Variants in RORA observed in about 807,000 individuals in gnomAD.
The protein encoded by RORA is nuclear receptor ROR-alpha.
In RORA, 7 loss-of-function variants were observed where a neutral mutation model predicts 69.5. The observed-to-expected ratio is 0.10, with a 90% CI of 0.06 to 0.19. The LOEUF is 0.19. RORA is among the 10% of genes least tolerant of loss of function. The pLI is 1.00. For synonymous variants in RORA, 261 were observed against 240.8 expected (o/e 1.08, Z -0.78); for missense variants, 457 against 663.0 (o/e 0.69, Z 3.41).
intron 1 of RORA, among the ~76,000 whole-genome samples, chr15:60,985,872 G>C (rs773287709): frequency 6.6e-6 from 1 of 152,080 alleles, no homozygotes; most frequent in Non-Finnish European, 1.5e-5. Context: ...GAGCCAACGC[G>C]CCCAGCCGAC....
chr15:60,876,212 G>A (rs181932012), intron 1 of RORA, among the ~76,000 whole-genome samples: 1 of 149,738 alleles, frequency 6.7e-6, no homozygotes, highest in Non-Finnish European at 1.5e-5. Context: ...CTAGAGTACA[G>A]AGAATTAATT....
chr15:61,215,648 A>ATG (rs752061557), intron 1 of RORA, among the ~76,000 whole-genome samples: 9 of 152,220 alleles, frequency 5.9e-5, no homozygotes, highest in Non-Finnish European at 1.0e-4. Flanking sequence ...GTATGTGTGC[A>ATG]TGTGTGTGTA....
intron 2 of RORA, among the ~76,000 whole-genome samples, chr15:60,554,501 G>C (rs1377042506): frequency 6.6e-6 from 1 of 152,150 alleles, no homozygotes; most frequent in Non-Finnish European, 1.5e-5. Flanking sequence ...TTTAAAAATA[G>C]CTAGAATTAA....
intron 1 of RORA, among the ~76,000 whole-genome samples, chr15:61,222,481 T>C (rs999412820): frequency 6.6e-6 from 1 of 152,222 alleles, no homozygotes; most frequent in South Asian, 2.1e-4. Context: ...TGAGCTATGG[T>C]ACATTTATTC....
chr15:60,516,224 TA>T (rs2065947190), intron 3 of RORA, among the ~76,000 whole-genome samples: 4 of 22,986 alleles, frequency 1.7e-4, no homozygotes, highest in Admixed American at 8.5e-4. Context: ...TATATATATT[TA>T]TATATATATT....
chr15:60,852,725 G>A (rs1050028666), intron 1 of RORA, among the ~76,000 whole-genome samples: 1 of 152,182 alleles, frequency 6.6e-6, no homozygotes, highest in African/African-American at 2.4e-5. Flanking sequence ...TGAAGGATGT[G>A]GGGTGAGTCT....
At position 61,131,125 on chromosome 15, in the gene RORA, A is replaced by T. The variant is rs2079186735; in HGVS notation, c.166+97928T>A. ...AAGTCACTCAAGAGTGGGAAGGATTAGCGTGCTATGGTTGGCCAACCAGGT... is the reference window on the plus strand; with the variant it reads ...AAGTCACTCAAGAGTGGGAAGGATTTGCGTGCTATGGTTGGCCAACCAGGT... On this transcript the variant is annotated intron_variant, in intron 1 of 10. Coordinates refer to ENST00000335670, the MANE Select transcript of RORA (RefSeq NM_134261.3). The surrounding 1 kb of genome is among the most constrained non-coding windows in gnomAD (Gnocchi z 4.2). 6.6e-6 allele frequency among the ~76,000 whole-genome samples: 1 copy of T among 152,238 alleles called. No individual in the cohort carries two copies. Among genetic ancestry groups the T allele is most frequent in the African/African-American group, 2.4e-5 (1 of 41,476 alleles).
chr15:60,824,307 A>G (rs961742817), intron 1 of RORA, among the ~76,000 whole-genome samples: 1 of 152,236 alleles, frequency 6.6e-6, no homozygotes, highest in African/African-American at 2.4e-5. Context: ...GAAGAGGTCT[A>G]ATCTATGAAG....
intron 1 of RORA, among the ~76,000 whole-genome samples, chr15:60,928,527 C>T (rs774318694): frequency 3.3e-5 from 5 of 152,098 alleles, no homozygotes; most frequent in Non-Finnish European, 5.9e-5. Context: ...AATGAATAGA[C>T]TAAGTAATAA....
chr15:61,059,908 G>GAAGAAGAAGAAGAAGAAGAAGAAC (rs1566968581), intron 1 of RORA, among the ~76,000 whole-genome samples: 9 of 2,794 alleles, frequency 3.2e-3, no homozygotes, highest in Non-Finnish European at 6.5e-3. Flanking sequence ...AGTTCCACAC[G>GAAGAAGAAGAAGAAGAAGAAGAAC]AAGAAGAAGA....
chr15:60,859,464 T>A (rs1292324622), intron 1 of RORA, among the ~76,000 whole-genome samples: 1 of 146,454 alleles, frequency 6.8e-6, no homozygotes, highest in Non-Finnish European at 1.5e-5. Flanking sequence ...TGAATCTGAA[T>A]TTTCTTTGCC....
chr15:60,649,812 A>C (rs957970666), intron 2 of RORA, among the ~76,000 whole-genome samples: 1 of 152,156 alleles, frequency 6.6e-6, no homozygotes, highest in Non-Finnish European at 1.5e-5. Flanking sequence ...ACCCCTCAAA[A>C]AGCAATCGAA....
intron 3 of RORA, among the ~76,000 whole-genome samples, chr15:60,516,216 TATATA>T: frequency 9.8e-4 from 11 of 11,280 alleles, no homozygotes; most frequent in Admixed American, 1.8e-3. Context: ...TATTTATATA[TATATA>T]TTTATATATA....
chr15:60,492,409 T>C lies in RORA; in HGVS notation c.*5046A>G, dbSNP rs1295346558. 6.6e-6 allele frequency: 1 copy of C among 152,200 alleles called. No individual in the cohort carries two copies. The highest frequency in any genetic ancestry group is 2.4e-5 in the African/African-American group (1 of 41,462). The allele number at this position is 152,200 out of a possible 1,614,324, so 9.4% of individuals were successfully genotyped here. On this transcript the variant is annotated 3_prime_UTR_variant, in exon 11 of 11. Transcript: ENST00000335670. ...ACATTAGCTCTTGTAATGCATCAGA[T>C]ATAAACTACACATGTAGAAGTAAGA...
intron 1 of RORA, among the ~76,000 whole-genome samples, chr15:61,227,046 C>A (rs914017785): frequency 6.6e-6 from 1 of 152,086 alleles, no homozygotes; most frequent in African/African-American, 2.4e-5. Context: ...ATTTGCTAGT[C>A]GGCTCTGCAG....
intron 1 of RORA, among the ~76,000 whole-genome samples, chr15:60,769,115 A>G (rs1211140602): frequency 1.3e-5 from 2 of 152,238 alleles, no homozygotes; most frequent in Non-Finnish European, 2.9e-5. Flanking sequence ...GAGAGTAAAG[A>G]AGGGCCACCC....
intron 1 of RORA, among the ~76,000 whole-genome samples, chr15:61,106,514 C>T (rs1463956654): frequency 6.6e-6 from 1 of 152,188 alleles, no homozygotes; most frequent in Non-Finnish European, 1.5e-5. Context: ...CCCCTTTGTT[C>T]CATCCATCCA....
intron 1 of RORA, among the ~76,000 whole-genome samples, chr15:61,085,760 T>G (rs1468380608): frequency 6.6e-6 from 1 of 152,182 alleles, no homozygotes; most frequent in Admixed American, 6.5e-5. Context: ...CACACTTAAA[T>G]AGTTTTGTTT....
intron 1 of RORA, among the ~76,000 whole-genome samples, chr15:60,938,740 A>AG (rs1566916840): frequency 1.4e-5 from 1 of 71,790 alleles, no homozygotes; most frequent in African/African-American, 7.7e-5. Context: ...ATCTAAAAAA[A>AG]ATTTTTTTTA....
Sources: allele counts gnomAD v4.1 joint callset (sites outside exome capture counted in the v4.1 genomes callset), GRCh38; gene constraint gnomAD v4.1.1; non-coding constraint Gnocchi (gnomAD v3.1); transcripts MANE v1.5; gene names NCBI Gene and HGNC (gene_info 2026-07-23, HGNC 2026-07-21).